PDGFRB: variants seen among roughly 807,000 people sequenced by gnomAD.
The protein encoded by PDGFRB is platelet derived growth factor receptor beta, also known as platelet-derived growth factor receptor beta.
In PDGFRB, 42 loss-of-function variants were observed where a neutral mutation model predicts 120.2. That is an observed-to-expected ratio of 0.35 (90% confidence interval 0.27 to 0.45). The LOEUF (loss-of-function observed/expected upper bound fraction) is 0.45. Among genes scored for constraint, PDGFRB ranks in the 20% least tolerant of loss-of-function variants. The pLI is 1.00. For missense variants in PDGFRB, 1,149 were observed against 1,476.3 expected (o/e 0.78, Z 3.63); for synonymous variants, 586 against 606.8 (o/e 0.97, Z 0.50).
chr5:150,150,290 A>C (rs1761037752), intron 1 of PDGFRB, among the ~76,000 whole-genome samples: 1 of 152,174 alleles, frequency 6.6e-6, no homozygotes, highest in African/African-American at 2.4e-5. Flanking sequence ...CCTTAGGTGC[A>C]ACCCTTCCCC....
rs56899708 is a variant in PDGFRB, at chr5:150,127,833, T to TAAAAAAAAA, written c.1580-1228_1580-1220dup. Reference sequence around the variant, plus strand: ...TGGGCAACAGAGCCAGACTCCATCTTAAAAAAAAAAAAAAAAAAAAAAAAA... The same window carrying TAAAAAAAAA: ...TGGGCAACAGAGCCAGACTCCATCTTAAAAAAAAAAAAAAAAAAAAAAAAAAAAAAAAAA... On this transcript the variant is annotated intron_variant, in intron 10 of 22. Transcript: ENST00000261799. Among the ~76,000 whole-genome samples the TAAAAAAAAA allele has an allele frequency of 1.3e-3, 79 of 62,424 alleles. 7 individuals carry two copies. Among genetic ancestry groups the TAAAAAAAAA allele is most frequent in the African/African-American group, 4.5e-3 (61 of 13,492 alleles). The allele number at this position is 62,424 out of a possible 152,430, so 41.0% of individuals were successfully genotyped here. A position where few individuals can be genotyped will look rare whatever the true frequency, so the allele number is the denominator to read the frequency against.
At chr5:150,145,640 A>G (rs1760900544) in intron 1 of PDGFRB, among the ~76,000 whole-genome samples, 1 of 152,236 alleles carries the variant, frequency 6.6e-6, no homozygotes, top group Non-Finnish European at 1.5e-5. Context: ...ACACAGCCCA[A>G]TGCCCATGAG....
chr5:150,146,850 G>A (rs1370959422), intron 1 of PDGFRB, among the ~76,000 whole-genome samples: 1 of 152,208 alleles, frequency 6.6e-6, no homozygotes, highest in Non-Finnish European at 1.5e-5. Context: ...TCTCAGGGAT[G>A]AGAAGATCCT....
Position 150,121,434 on chromosome 5 carries a change from G to T in PDGFRB, c.2345-112C>A, listed in dbSNP as rs115895504. ...TGTCCAAGACAGGTGGCTACTGATC[G>T]TCTAGGTCTCCCCTAAAAGGAGAAT... is the stretch of plus-strand genomic sequence containing the variant. On this transcript the variant is annotated intron_variant, in intron 16 of 22. Coordinates refer to ENST00000261799, the MANE Select transcript of PDGFRB (RefSeq NM_002609.4). This position sits in a 1 kb window ranked among gnomAD's most constrained non-coding sequence, Gnocchi z 4.1. 4 of 732,466 alleles carry T rather than the reference G, an allele frequency of 5.5e-6. No homozygotes were observed. Among genetic ancestry groups the T allele is most frequent in the Non-Finnish European group, 1.0e-5 (4 of 393,072 alleles). The allele number at this position is 732,466 out of a possible 1,614,324, so 45.4% of individuals were successfully genotyped here. A position where few individuals can be genotyped will look rare whatever the true frequency, so the allele number is the denominator to read the frequency against.
chr5:150,142,780 A>G (rs895284074), intron 1 of PDGFRB, among the ~76,000 whole-genome samples: 1 of 152,248 alleles, frequency 6.6e-6, no homozygotes, highest in African/African-American at 2.4e-5. Flanking sequence ...TAAGAGATGA[A>G]CAACAATAAT....
In PDGFRB at chr5:150,133,872, C is replaced by T; in HGVS notation, c.759+9G>A. ...CCCCTCCTCCGACCCCTGCCTGGCC[C>T]CACATTACTTCTTTGCGGGGGTATG... is the stretch of plus-strand genomic sequence containing the variant. On this transcript the variant is annotated intron_variant, in intron 5 of 22. Coordinates refer to ENST00000261799, the MANE Select transcript of PDGFRB (RefSeq NM_002609.4). 1 of 1,614,164 alleles carries T rather than the reference C, an allele frequency of 6.2e-7. No individual in the cohort carries two copies. Among genetic ancestry groups the T allele is most frequent in the Non-Finnish European group, 8.5e-7 (1 of 1,180,004 alleles).
At chr5:150,119,960 G>T in intron 19 of PDGFRB, 52 bp downstream of exon 19, 2 of 925,932 alleles carry the variant, frequency 2.2e-6, no homozygotes, top group Non-Finnish European at 3.6e-6. Context: ...ATGAGTGGTC[G>T]AGGTAGACAC....
chr5:150,124,184 G>T, intron 14 of PDGFRB, 66 bp downstream of exon 14: 3 of 1,068,618 alleles, frequency 2.8e-6, no homozygotes, highest in Non-Finnish European at 4.3e-6. Context: ...TGAGGGGGGG[G>T]TAGGCGGGGC....
At chr5:150,125,037 C>T (rs2113896387) in intron 12 of PDGFRB, among the ~76,000 whole-genome samples, 1 of 152,234 alleles carries the variant, frequency 6.6e-6, no homozygotes, top group Non-Finnish European at 1.5e-5. Context: ...CCTGCAACCA[C>T]AATACCTCCC....
chr5:150,153,358 GGAAGGTGCT>G (rs1381324042), intron 1 of PDGFRB: 2 of 152,288 alleles, frequency 1.3e-5, no homozygotes, highest in Admixed American at 1.3e-4. Flanking sequence ...TTTCTGCTGG[GGAAGGTGCT>G]GAAGCCAGGA....
In PDGFRB at chr5:150,124,830, T is replaced by C; in HGVS notation, c.1809A>G (p.Gly603=). 6.4e-7 allele frequency: 1 copy of C among 1,569,862 alleles called. No individual in the cohort carries two copies. Among genetic ancestry groups the C allele is most frequent in the South Asian group, 1.1e-5 (1 of 90,032 alleles). The change falls in exon 13 of 23, where the codon GGA becomes GGG. Residue 603 remains glycine, a splice_region_variant and synonymous_variant. Transcript: ENST00000261799. ...CAAAGGCCCCAGAGCCGAGGGTGCG[T>C]CCTGGTGCAGAGATGATCCATTAGC... ...WELPRDQLVL[G]RTLGSGAFGQ...
At position 150,124,339 on chromosome 5, in the gene PDGFRB, T is replaced by C. The variant is rs1362685432; in HGVS notation, c.1934A>G (p.Lys645Arg). The C allele has an allele frequency of 6.2e-7, 1 of 1,614,116 alleles. No individual in the cohort carries two copies. The highest frequency in any genetic ancestry group is 8.5e-7 in the Non-Finnish European group (1 of 1,179,950). ...CTTCAGCTCCGACATAAGGGCTTGC[T>C]TCTCACTGCTGCGGGCTGTGGCTGA... ...MLKSTARSSE[K>R]QALMSELKIM... The change falls in exon 14 of 23, where the codon AAG becomes AGG. Residue 645 changes from lysine (K) to arginine (R), a missense_variant. Coordinates refer to ENST00000261799, the MANE Select transcript of PDGFRB (RefSeq NM_002609.4).
At chr5:150,128,766 C>A (rs957298761) in intron 10 of PDGFRB, among the ~76,000 whole-genome samples, 2 of 152,242 alleles carry the variant, frequency 1.3e-5, no homozygotes, top group Non-Finnish European at 1.5e-5. Context: ...TCCCTCCAGG[C>A]TTTGCCCCTA....
At chr5:150,142,990 C>T (rs1255093931) in intron 1 of PDGFRB, among the ~76,000 whole-genome samples, 1 of 152,036 alleles carries the variant, frequency 6.6e-6, no homozygotes, top group Non-Finnish European at 1.5e-5. Flanking sequence ...CAGACATTAT[C>T]AGAAGGATCA....
intron 19 of PDGFRB, among the ~76,000 whole-genome samples, chr5:150,119,788 G>A (rs1314703232): frequency 6.6e-6 from 1 of 152,228 alleles, no homozygotes; most frequent in East Asian, 1.9e-4. Context: ...GCTTTCTGAT[G>A]TCACTGTTCA....
rs775028688 is a variant in PDGFRB, at chr5:150,120,347, C to A, written c.2587-224G>T. On this transcript the variant is annotated intron_variant, in intron 18 of 22. Transcript: ENST00000261799. This position sits in a 1 kb window ranked among gnomAD's most constrained non-coding sequence, Gnocchi z 4.3. ...TTCTCACTAGCTGGGGACAAGGCAG[C>A]CCCTGTCCCTGGGGAAAAGCCCCAG... Among the ~76,000 whole-genome samples the A allele has an allele frequency of 6.6e-6, 1 of 152,154 alleles. No homozygotes were observed. Among genetic ancestry groups the A allele is most frequent in the Non-Finnish European group, 1.5e-5 (1 of 68,010 alleles).
rs533186712 is a variant in PDGFRB at position 150,121,285 on chromosome 5, C to T, written c.2382G>A (p.Glu794=). 3.1e-6 allele frequency: 5 copies of T among 1,605,580 alleles called. No individual in the cohort carries two copies. The South Asian group carries it at 5.5e-5, about 18-fold the overall frequency. The change falls in exon 17 of 23, where the codon GAG becomes GAA. Residue 794 remains glutamate (E), a synonymous_variant. Transcript: ENST00000261799. This position sits in a 1 kb window ranked among gnomAD's most constrained non-coding sequence, Gnocchi z 4.1. ...ERTCRATLIN[E]SPVLSYMDLV... is the part of the protein sequence containing the mutation. ...GGTCCATGTAGCTTAGCACTGGAGA[C>T]TCGTTGATCAAAGTTGCTCGGCAGG...
intron 1 of PDGFRB, among the ~76,000 whole-genome samples, chr5:150,145,825 C>T (rs536768696): frequency 2.6e-5 from 4 of 152,290 alleles, no homozygotes; most frequent in East Asian, 3.9e-4. Context: ...TGCTTGAACC[C>T]GAGATCGCGC....
intron 14 of PDGFRB, 128 bp downstream of exon 14, chr5:150,124,122 T>C: frequency 1.8e-6 from 1 of 567,444 alleles, no homozygotes; most frequent in Non-Finnish European, 3.1e-6. Context: ...GTGAGGGCGC[T>C]GGAGCGGGTG....
Sources: gnomAD v4.1 joint callset for allele counts (sites outside exome capture counted in the v4.1 genomes callset) on GRCh38, gnomAD v4.1.1 for gene constraint, Gnocchi (gnomAD v3.1) non-coding constraint, MANE v1.5 for transcripts, NCBI Gene and HGNC (gene_info 2026-07-23, HGNC 2026-07-21) for gene names.